LHX2: variants seen among roughly 807,000 people sequenced by gnomAD.
LHX2 encodes the protein LIM homeobox 2.
Under a neutral mutation model 33.0 loss-of-function variants are expected in LHX2, and 6 were observed. The observed-to-expected ratio is 0.18, with a 90% CI of 0.10 to 0.36. The LOEUF (loss-of-function observed/expected upper bound fraction) is 0.36, where lower values mean the gene tolerates loss of function less well. Ranked by LOEUF, LHX2 falls within the 10% of genes least tolerant of loss-of-function variation. The pLI, the probability that LHX2 is intolerant of heterozygous loss-of-function variation, is 1.00. For synonymous variants in LHX2, 292 were observed against 253.1 expected (o/e 1.15, Z -1.46); for missense variants, 442 against 586.2 (o/e 0.75, Z 2.54).
intron 4 of LHX2, among the ~76,000 whole-genome samples, chr9:124,023,301 A>C (rs765674085): frequency 2.6e-5 from 4 of 152,136 alleles, no homozygotes; most frequent in Non-Finnish European, 5.9e-5. Flanking sequence ...CACGAACGAT[A>C]GTTGTTGAGC....
chr9:124,033,103 A>G lies in LHX2; in HGVS notation c.*396A>G, dbSNP rs1471013876. 6.3e-6 allele frequency: 1 copy of G among 159,456 alleles called. No individual in the cohort carries two copies. The highest frequency in any genetic ancestry group is 1.9e-4 in the East Asian group (1 of 5,256). 9.9% of individuals were successfully genotyped at this position (159,456 alleles called of 1,614,324 possible). A position where few individuals can be genotyped will look rare whatever the true frequency, so the allele number is the denominator to read the frequency against. On this transcript the variant is annotated 3_prime_UTR_variant, in exon 5 of 5. Transcript: ENST00000373615. Reference sequence around the variant, plus strand: ...TCTCTGTATATTTATGACCAGAGCAAAAATGTAAAAAACAAAAAAAACAAC... The same window carrying G: ...TCTCTGTATATTTATGACCAGAGCAGAAATGTAAAAAACAAAAAAAACAAC...
In LHX2 at chr9:124,032,503, G is replaced by T. The variant is rs138022431; in HGVS notation, c.1017G>T (p.Ala339=). 5 of 1,613,024 alleles carry T rather than the reference G, an allele frequency of 3.1e-6. No individual in the cohort carries two copies. The African/African-American group carries it at 6.7e-5, about 22-fold the overall frequency. Residue 339 remains alanine, a synonymous_variant, in exon 5 of 5, where the codon GCG becomes GCT. Coordinates refer to ENST00000373615, the MANE Select transcript of LHX2 (RefSeq NM_004789.4). The surrounding 1 kb of genome is among the most constrained non-coding windows in gnomAD (Gnocchi z 4.1). ...ENTGVDKSTD[A]ALQTGTPSGP... is the part of the protein sequence containing the mutation. ...CGGGCGTGGACAAGTCGACAGACGC[G>T]GCGCTGCAGACAGGGACGCCATCGG...
rs1328709712 is a variant in LHX2, at chr9:124,015,502, C to T, written c.704C>T (p.Ala235Val). ...PRKRKSPGPG[A>V]DLAAYNAALS... ...AAACGTAAGAGCCCGGGCCCCGGTGCGGATCTGGCGGCCTACAACGCTGGT... is the reference window on the plus strand; with the variant it reads ...AAACGTAAGAGCCCGGGCCCCGGTGTGGATCTGGCGGCCTACAACGCTGGT... The change falls in exon 3 of 5, where the codon GCG (alanine) becomes GTG (valine). Residue 235 changes from alanine to valine, a missense_variant. By Grantham distance (64) the Ala-to-Val change is moderately conservative. This residue lies in a region of LHX2 where 132 missense variants were observed against 139.1 expected (regional missense o/e 0.95). Transcript: ENST00000373615. The surrounding 1 kb of genome is among the most constrained non-coding windows in gnomAD (Gnocchi z 7.9). 6.1e-6 allele frequency: 9 copies of T among 1,467,684 alleles called. No homozygotes were observed. Among genetic ancestry groups the T allele is most frequent in the Non-Finnish European group, 8.1e-6 (9 of 1,109,388 alleles). 90.9% of individuals were successfully genotyped at this position (1,467,684 alleles called of 1,614,324 possible).
chr9:124,020,338 C>T (rs978203385), intron 3 of LHX2, among the ~76,000 whole-genome samples: 4 of 152,174 alleles, frequency 2.6e-5, no homozygotes, highest in African/African-American at 9.6e-5. Flanking sequence ...TCTGAACTTC[C>T]CCGAGCCTAA....
At chr9:124,026,030 TTAC>T in intron 4 of LHX2, among the ~76,000 whole-genome samples, 1 of 152,236 alleles carries the variant, frequency 6.6e-6, no homozygotes, top group East Asian at 1.9e-4. Context: ...TAGTTAGTTA[TTAC>T]TAACCTGTGT....
intron 3 of LHX2, among the ~76,000 whole-genome samples, chr9:124,018,784 C>T (rs1417501566): frequency 1.3e-5 from 2 of 152,292 alleles, no homozygotes; most frequent in African/African-American, 2.4e-5. Context: ...GTCCATCTTC[C>T]GTCCCTACCC....
In LHX2 at chr9:124,032,585, C is replaced by T; in HGVS notation, c.1099C>T (p.Leu367=). 1.2e-6 allele frequency: 2 copies of T among 1,614,200 alleles called. No individual in the cohort carries two copies. The highest frequency in any genetic ancestry group is 1.7e-6 in the Non-Finnish European group (2 of 1,180,034). The change falls in exon 5 of 5, where the codon CTG becomes TTG. Residue 367 remains leucine (L), a synonymous_variant. Coordinates refer to ENST00000373615, the MANE Select transcript of LHX2 (RefSeq NM_004789.4). The surrounding 1 kb of genome is among the most constrained non-coding windows in gnomAD (Gnocchi z 4.1). ...SLSPSSTPTT[L]TDLTSPTLPT... is the part of the protein sequence containing the mutation. ...CAGCCCCTCCAGCACGCCCACCACC[C>T]TGACAGACTTGACTAGCCCCACCCT...
At chr9:124,028,824 G>A (rs998643548) in intron 4 of LHX2, among the ~76,000 whole-genome samples, 5 of 152,098 alleles carry the variant, frequency 3.3e-5, no homozygotes, top group Admixed American at 3.3e-4. Context: ...TCTATACAGT[G>A]AGGGCAGGCA....
intron 1 of LHX2, 139 bp from the exon 2 acceptor site, chr9:124,013,822 G>C (rs75305521): frequency 0.059 from 43,718 of 741,482 alleles, 1,446 homozygotes; most frequent in Middle Eastern, 0.13. Context: ...GGGGGGAAGC[G>C]CGCCGCATGT....
At chr9:124,019,708 T>C (rs992635994) in intron 3 of LHX2, among the ~76,000 whole-genome samples, 4 of 152,264 alleles carry the variant, frequency 2.6e-5, no homozygotes, top group African/African-American at 7.2e-5. Context: ...ACCTGTATTT[T>C]CATTTGCTAA....
chr9:124,028,908 G>T (rs1356439894), intron 4 of LHX2, among the ~76,000 whole-genome samples: 3 of 152,170 alleles, frequency 2.0e-5, no homozygotes, highest in Non-Finnish European at 4.4e-5. Flanking sequence ...AGGAGTTCAA[G>T]ACCAGCCTGG....
In LHX2 at chr9:124,016,062, G is replaced by C. The variant is rs922966051; in HGVS notation, c.727+537G>C. On this transcript the variant is annotated intron_variant, in intron 3 of 4. Coordinates refer to ENST00000373615, the MANE Select transcript of LHX2 (RefSeq NM_004789.4). This position sits in a 1 kb window ranked among gnomAD's most constrained non-coding sequence, Gnocchi z 4.4. ...GCTTGGGGAACTCAGGAAAGCAAAG[G>C]CTGCGGTTCCTTTTGCTCGGCCCGA... 1.3e-5 allele frequency among the ~76,000 whole-genome samples: 2 copies of C among 152,248 alleles called. No individual in the cohort carries two copies. The highest frequency in any genetic ancestry group is 4.1e-4 in the South Asian group (2 of 4,836).
chr9:124,016,950 C>A lies in LHX2; in HGVS notation c.727+1425C>A, dbSNP rs965909241. The stretch of plus-strand genomic sequence containing the variant: ...TCAACTTCCACTCGGAAGCACCTCG[C>A]GGGGCTCGGCTCCAGGGCACCTGGT... On this transcript the variant is annotated intron_variant, in intron 3 of 4. Coordinates refer to ENST00000373615, the MANE Select transcript of LHX2 (RefSeq NM_004789.4). The surrounding 1 kb of genome is among the most constrained non-coding windows in gnomAD (Gnocchi z 4.4). Among the ~76,000 whole-genome samples, 5 of 152,174 alleles carry A rather than the reference C, an allele frequency of 3.3e-5. No individual in the cohort carries two copies. Among genetic ancestry groups the A allele is most frequent in the Admixed American group, 1.3e-4 (2 of 15,280 alleles).
Position 124,032,404 on chromosome 9 carries a change from C to T in LHX2, c.934-16C>T. ...CTGCCTTCCGCTCACCAGCCCTTCC[C>T]TGTCGTCCCCCGCAGGTCTGGTTCC... is the stretch of plus-strand genomic sequence containing the variant. On this transcript the variant is annotated splice_polypyrimidine_tract_variant and intron_variant, in intron 4 of 4. Coordinates refer to ENST00000373615, the MANE Select transcript of LHX2 (RefSeq NM_004789.4). The surrounding 1 kb of genome is among the most constrained non-coding windows in gnomAD (Gnocchi z 4.1). The T allele has an allele frequency of 6.4e-7, 1 of 1,567,666 alleles. No individual in the cohort carries two copies.
Position 124,014,751 on chromosome 9 carries a change from G to C in LHX2, c.324-371G>C, listed in dbSNP as rs1474887042. Among the ~76,000 whole-genome samples, 1 of 152,118 alleles carries C rather than the reference G, an allele frequency of 6.6e-6. No homozygotes were observed. Among genetic ancestry groups the C allele is most frequent in the Admixed American group, 6.5e-5 (1 of 15,278 alleles). ...TGTCTCTCTCTCTTTCCCTGTCTCT[G>C]TGTTTCTTCCAAATTATAAAAGTCA... On this transcript the variant is annotated intron_variant, in intron 2 of 4. Coordinates refer to ENST00000373615, the MANE Select transcript of LHX2 (RefSeq NM_004789.4). The surrounding 1 kb of genome is among the most constrained non-coding windows in gnomAD (Gnocchi z 4.8).
In LHX2 at chr9:124,032,616, C is replaced by T. The variant is rs569272766; in HGVS notation, c.1130C>T (p.Thr377Ile). The change falls in exon 5 of 5, where the codon ACT becomes ATT. Residue 377 changes from threonine (T) to isoleucine (I), a missense_variant. Thr to Ile is a moderately conservative substitution (Grantham distance 89, BLOSUM62 -1). Transcript: ENST00000373615. This position sits in a 1 kb window ranked among gnomAD's most constrained non-coding sequence, Gnocchi z 4.1. ...GACTTGACTAGCCCCACCCTGCCAACTGTGACGTCCGTCTTAACTTCTGTG... is the reference window on the plus strand; with the variant it reads ...GACTTGACTAGCCCCACCCTGCCAATTGTGACGTCCGTCTTAACTTCTGTG... ...LTDLTSPTLPTVTSVLTSVPG... is the reference protein window; with the variant it reads ...LTDLTSPTLPIVTSVLTSVPG... 1.2e-6 allele frequency: 2 copies of T among 1,614,184 alleles called. No homozygotes were observed. Among genetic ancestry groups the T allele is most frequent in the East Asian group, 4.5e-5 (2 of 44,882 alleles).
At chr9:124,030,320 C>T (rs1246902898) in intron 4 of LHX2, among the ~76,000 whole-genome samples, 1 of 152,264 alleles carries the variant, frequency 6.6e-6, no homozygotes, top group East Asian at 1.9e-4. Context: ...ACTGGGAAGA[C>T]AGGCAGATGC....
At chr9:124,020,662 A>T (rs1276187996) in intron 3 of LHX2, among the ~76,000 whole-genome samples, 1 of 152,112 alleles carries the variant, frequency 6.6e-6, no homozygotes, top group Admixed American at 6.5e-5. Flanking sequence ...CAGTTTCAAC[A>T]TCTGTAAAAA....
chr9:124,012,638 C>A lies in LHX2; in HGVS notation c.120+170C>A, dbSNP rs923446912. ...GGCTCCCGGTTCGGGGGAAACCCGGCTGCTGGGACGCAGAAGGGAAACAAG... is the reference window on the plus strand; with the variant it reads ...GGCTCCCGGTTCGGGGGAAACCCGGATGCTGGGACGCAGAAGGGAAACAAG... On this transcript the variant is annotated intron_variant, in intron 1 of 4. Transcript: ENST00000373615. The surrounding 1 kb of genome is among the most constrained non-coding windows in gnomAD (Gnocchi z 4.3). Among the ~76,000 whole-genome samples, 3 of 152,258 alleles carry A rather than the reference C, an allele frequency of 2.0e-5. No homozygotes were observed. The highest frequency in any genetic ancestry group is 7.2e-5 in the African/African-American group (3 of 41,478).
Sources: allele counts gnomAD v4.1 joint callset (sites outside exome capture counted in the v4.1 genomes callset), GRCh38; gene constraint gnomAD v4.1.1; regional missense constraint gnomAD v4.1.1; non-coding constraint Gnocchi (gnomAD v3.1); transcripts MANE v1.5; gene names NCBI Gene and HGNC (gene_info 2026-07-23, HGNC 2026-07-21).